The following FYCO1 variants were observed in gnomAD, a reference collection of about 807,000 sequenced individuals.
The protein encoded by FYCO1 is FYVE and coiled-coil domain-containing protein 1.
In FYCO1, 122 loss-of-function variants were observed where a neutral mutation model predicts 165.1. The observed-to-expected ratio is 0.74, with a 90% CI of 0.64 to 0.86. The LOEUF is 0.86. Among genes scored for constraint, FYCO1 ranks in the 40% least tolerant of loss-of-function variants. The pLI is 0.00. For synonymous variants in FYCO1, 648 were observed against 742.5 expected, an observed-to-expected ratio of 0.87 and a Z score of 2.07; for missense variants, 1,702 against 1,810.3, an observed-to-expected ratio of 0.94 and a Z score of 1.09.
intron 1 of FYCO1, among the ~76,000 whole-genome samples, chr3:45,986,930 C>G (rs905611780): frequency 1.3e-5 from 2 of 152,158 alleles, no homozygotes; most frequent in African/African-American, 4.8e-5. Context: ...ACACAAGACA[C>G]AGTCCAGCCC....
intron 11 of FYCO1, 71 bp from the exon 12 acceptor site, chr3:45,959,613 T>C: frequency 2.7e-6 from 4 of 1,487,484 alleles, no homozygotes; most frequent in Non-Finnish European, 3.7e-6. Flanking sequence ...CTTCTTCATT[T>C]CAAAAGACTG....
rs1703029820 is a variant in FYCO1 at position 45,919,794 on chromosome 3, G to T, written c.*1971C>A. 1 of 152,198 alleles carries T rather than the reference G, an allele frequency of 6.6e-6. No homozygotes were observed. Among genetic ancestry groups the T allele is most frequent in the African/African-American group, 2.4e-5 (1 of 41,434 alleles). 9.4% of individuals were successfully genotyped at this position (152,198 alleles called of 1,614,324 possible). On this transcript the variant is annotated 3_prime_UTR_variant, in exon 18 of 18. Transcript: ENST00000296137. ...ACAAGCTGACTTCTGATTATCATTTGCAAGTGGCTGGATGGATTCAAAGTT... is the reference window on the plus strand; with the variant it reads ...ACAAGCTGACTTCTGATTATCATTTTCAAGTGGCTGGATGGATTCAAAGTT...
rs34147726 is a variant in FYCO1 at position 45,968,128 on chromosome 3, C to T, written c.1206G>A (p.Glu402=). The T allele has an allele frequency of 0.016, 25,939 of 1,614,100 alleles. 3,841 individuals are homozygous for T. The African/African-American group carries it at 0.31, about 19-fold the overall frequency. ...CTAGGGCTTGAAGCTTCTCCCCTAG[C>T]TCCTGCATCTCCTGGGCCGCATCAC... ...IPSDAAQEMQ[E]LGEKLQALER... is the part of the protein sequence containing the mutation. The change falls in exon 8 of 18, where the codon GAG becomes GAA. Residue 402 remains glutamate (E), a synonymous_variant. Transcript: ENST00000296137.
chr3:45,955,445 A>C (rs745387841), intron 13 of FYCO1, 52 bp from the exon 14 acceptor site: 1 of 1,608,434 alleles, frequency 6.2e-7, no homozygotes, highest in South Asian at 1.1e-5. Context: ...ACTGTTATGC[A>C]TAGGCTGGGT....
intron 14 of FYCO1, chr3:45,946,165 T>A (rs1575346033): frequency 1.1e-5 from 3 of 274,988 alleles, no homozygotes; most frequent in Non-Finnish European, 1.4e-5. Context: ...ACTTTTGGTT[T>A]CAAAATAATT....
intron 7 of FYCO1, 150 bp from the exon 8 acceptor site, chr3:45,968,853 C>T (rs1159367389): frequency 8.3e-6 from 8 of 960,164 alleles, no homozygotes; most frequent in Admixed American, 2.2e-5. Flanking sequence ...AGACTAGAAT[C>T]CCTTTGCTCA....
At position 45,921,796 on chromosome 3, in the gene FYCO1, G is replaced by T; in HGVS notation, c.4406C>A (p.Pro1469His). The change falls in exon 18 of 18, where the codon CCT becomes CAT. Residue 1469 changes from proline (P) to histidine (H), a missense_variant. By Grantham distance (77) the Pro-to-His change is moderately conservative (BLOSUM62 -2). Transcript: ENST00000296137. ...GAAATCACTTCCATCGTAGATCACAGGCCGATCAACCGTCAAGTGATAAAA... is the reference window on the plus strand; with the variant it reads ...GAAATCACTTCCATCGTAGATCACATGCCGATCAACCGTCAAGTGATAAAA... ...KVFYHLTVDR[P>H]VIYDGSDFL 1 of 1,612,978 alleles carries T rather than the reference G, an allele frequency of 6.2e-7. No individual in the cohort carries two copies. Among genetic ancestry groups the T allele is most frequent in the South Asian group, 1.1e-5 (1 of 91,074 alleles).
intron 14 of FYCO1, chr3:45,946,022 G>A (rs940107979): frequency 6.3e-6 from 1 of 158,764 alleles, no homozygotes; most frequent in African/African-American, 2.4e-5. Flanking sequence ...AGGATGGGTG[G>A]GCAACTGTGG....
intron 1 of FYCO1, among the ~76,000 whole-genome samples, chr3:45,988,501 C>T (rs941926124): frequency 6.6e-6 from 1 of 152,270 alleles, no homozygotes; most frequent in East Asian, 1.9e-4. Flanking sequence ...TACATACTAC[C>T]ACGGCTGCCC....
In FYCO1 at chr3:45,977,130, C is replaced by G. The variant is rs545360656; in HGVS notation, c.289-1785G>C. Among the ~76,000 whole-genome samples the G allele has an allele frequency of 3.9e-5, 6 of 152,004 alleles. 1 individual carries two copies. In the South Asian group the frequency reaches 1.2e-3, roughly 32 times the overall value. ...ATTCAGGCCGTTGGAAAGAGGTGAGCAAGGCATTGTAAAGTGAAGCATGTC... is the reference window on the plus strand; with the variant it reads ...ATTCAGGCCGTTGGAAAGAGGTGAGGAAGGCATTGTAAAGTGAAGCATGTC... On this transcript the variant is annotated intron_variant, in intron 4 of 17. Coordinates refer to ENST00000296137, the MANE Select transcript of FYCO1 (RefSeq NM_024513.4).
rs113018701 is a variant in FYCO1 at position 45,955,630 on chromosome 3, AAG to A, written c.3800-239_3800-238del. 8.6e-3 allele frequency among the ~76,000 whole-genome samples: 1,303 copies of A among 152,332 alleles called. 22 individuals carry two copies. Among genetic ancestry groups the A allele is most frequent in the African/African-American group, 0.029 (1,207 of 41,562 alleles). On this transcript the variant is annotated intron_variant, in intron 13 of 17. Coordinates refer to ENST00000296137, the MANE Select transcript of FYCO1 (RefSeq NM_024513.4). Reference sequence around the variant, plus strand: ...ACAGACGAAATGGAATGTACAACCTAAGAGACTTCTCAAAGTCAGGGGCTTAG... The same window carrying A: ...ACAGACGAAATGGAATGTACAACCTAAGACTTCTCAAAGTCAGGGGCTTAG...
At chr3:45,947,264 TGCCATGACCA>T (rs758664448) in intron 14 of FYCO1, 1 of 1,614,162 alleles carries the variant, frequency 6.2e-7, no homozygotes, top group Non-Finnish European at 8.5e-7. Context: ...GGGAATACTA[TGCCATGACCA>T]GCTTTCACTA....
chr3:45,948,890 G>A (rs1261683681), intron 14 of FYCO1, among the ~76,000 whole-genome samples: 4 of 152,178 alleles, frequency 2.6e-5, no homozygotes, highest in Non-Finnish European at 5.9e-5. Flanking sequence ...GATCATAACA[G>A]CACCACCTCT....
In FYCO1 at chr3:45,979,806, G is replaced by A; in HGVS notation, c.187C>T (p.Leu63Phe). 1 of 1,614,026 alleles carries A rather than the reference G, an allele frequency of 6.2e-7. No individual in the cohort carries two copies. The highest frequency in any genetic ancestry group is 8.5e-7 in the Non-Finnish European group (1 of 1,179,958). ...CAGTAGTCCTTCTTGTTGCCCAGGA[G>A]GGTGGCCTTCTCTTTCTGATCAAAC... ...LQFDQKEKAT[L>F]LGNKKDYWDY... Residue 63 changes from leucine to phenylalanine, a missense_variant, in exon 4 of 18, where the codon CTC (leucine) becomes TTC (phenylalanine). Leu to Phe is a conservative substitution (Grantham distance 22, BLOSUM62 0). Transcript: ENST00000296137.
At chr3:45,978,618 C>A (rs1465247473) in intron 4 of FYCO1, among the ~76,000 whole-genome samples, 1 of 152,172 alleles carries the variant, frequency 6.6e-6, no homozygotes, top group Non-Finnish European at 1.5e-5. Flanking sequence ...GCCAGCCAAG[C>A]AGCAGGTGTG....
chr3:45,962,340 T>C lies in FYCO1; in HGVS notation c.3322A>G (p.Lys1108Glu), dbSNP rs73830668. ...CGATTTGTCACCTCCTGGCAGAGTT[T>C]GTTGTAATACTCTTGGATTTTTGTT... ...ATTKIQEYYN[K>E]LCQEVTNRER... The change falls in exon 11 of 18, where the codon AAA becomes GAA. Residue 1108 changes from lysine to glutamate, a missense_variant. Physicochemically the swap from Lys to Glu is moderately conservative, Grantham distance 56. Coordinates refer to ENST00000296137, the MANE Select transcript of FYCO1 (RefSeq NM_024513.4). The surrounding 1 kb of genome is among the most constrained non-coding windows in gnomAD (Gnocchi z 4.4). 874 of 1,614,184 alleles carry C rather than the reference T, an allele frequency of 5.4e-4. 5 individuals are homozygous for C. In the African/African-American group the frequency reaches 7.0e-3, roughly 13 times the overall value.
At position 45,967,262 on chromosome 3, in the gene FYCO1, A is replaced by G; in HGVS notation, c.2072T>C (p.Met691Thr). 1.9e-6 allele frequency: 3 copies of G among 1,614,022 alleles called. No individual in the cohort carries two copies. The highest frequency in any genetic ancestry group is 2.5e-6 in the Non-Finnish European group (3 of 1,180,000). ...CTCCTTCTCTGCCATCTGGGCTTTC[A>G]TGGCCTCCTTGGCCTTCCTTACAGC... ...LLAVRKAKEA[M>T]KAQMAEKEAI... The change falls in exon 8 of 18, where the codon ATG becomes ACG. Residue 691 changes from methionine (M) to threonine (T), a missense_variant. Physicochemically the swap from Met to Thr is moderately conservative, Grantham distance 81. Coordinates refer to ENST00000296137, the MANE Select transcript of FYCO1 (RefSeq NM_024513.4).
At chr3:45,986,035 T>G (rs1707298672) in intron 1 of FYCO1, among the ~76,000 whole-genome samples, 1 of 152,228 alleles carries the variant, frequency 6.6e-6, no homozygotes, top group African/African-American at 2.4e-5. Flanking sequence ...CATGATCACT[T>G]TTAATTCTCA....
chr3:45,947,046 A>G lies in FYCO1; in HGVS notation c.3944+8203T>C, dbSNP rs1704661744. ...TGGTTACCATGACGAGGCAATTTCC[A>G]CTGTGGTTCTTGCCACCCAGATGAC... On this transcript the variant is annotated intron_variant, in intron 14 of 17. Transcript: ENST00000296137. 4 of 1,613,992 alleles carry G rather than the reference A, an allele frequency of 2.5e-6. No homozygotes were observed. The South Asian group carries it at 4.4e-5, about 18-fold the overall frequency.
Sources: gnomAD v4.1 joint callset for allele counts (sites outside exome capture counted in the v4.1 genomes callset) on GRCh38, gnomAD v4.1.1 for gene constraint, Gnocchi (gnomAD v3.1) non-coding constraint, MANE v1.5 for transcripts, NCBI Gene and HGNC (gene_info 2026-07-23, HGNC 2026-07-21) for gene names.